CARD19: variants seen among roughly 807,000 people sequenced by gnomAD.
The protein encoded by CARD19 is caspase recruitment domain family member 19.
CARD19 carries 25 observed loss-of-function variants against 24.1 expected under a neutral mutation model. The ratio of observed to expected loss-of-function variants is 1.04; its 90% confidence interval spans 0.76 to 1.45. CARD19 has a LOEUF of 1.45. Ranked by LOEUF, CARD19 falls within the 40% of genes most tolerant of loss-of-function variation. The probability of loss-of-function intolerance (pLI) is 0.00; values close to 1 mark genes in which losing one functional copy is unlikely to be tolerated. For synonymous variants in CARD19, 103 were observed against 104.9 expected (o/e 0.98, Z 0.11); for missense variants, 241 against 247.4 (o/e 0.97, Z 0.17).
At chr9:93,111,970 T>TCC in intron 4 of CARD19, 32 bp downstream of exon 4, 1 of 1,586,228 alleles carries the variant, frequency 6.3e-7, no homozygotes, top group Non-Finnish European at 8.6e-7. Context: ...TCCCTCTCTC[T>TCC]CCCTCTCTCT....
At chr9:93,104,481 A>G (rs1827184038) in intron 1 of CARD19, among the ~76,000 whole-genome samples, 1 of 151,956 alleles carries the variant, frequency 6.6e-6, no homozygotes, top group Admixed American at 6.6e-5. Context: ...TGTAAGTTTG[A>G]GAAGGATTGG....
chr9:93,111,689 C>T (rs1381436470), intron 3 of CARD19, 190 bp from the exon 4 acceptor site: 2 of 1,416,290 alleles, frequency 1.4e-6, no homozygotes, highest in Non-Finnish European at 1.8e-6. Context: ...TAGGCCCGTC[C>T]AGGAGTTGGA....
At chr9:93,106,109 G>A (rs1352096093) in intron 1 of CARD19, among the ~76,000 whole-genome samples, 1 of 151,806 alleles carries the variant, frequency 6.6e-6, no homozygotes, top group Non-Finnish European at 1.5e-5. Context: ...AGTCTATTTT[G>A]TCTGATATTA....
At chr9:93,104,470 T>G (rs1827183796) in intron 1 of CARD19, among the ~76,000 whole-genome samples, 1 of 151,934 alleles carries the variant, frequency 6.6e-6, no homozygotes, top group African/African-American at 2.4e-5. Context: ...TCAGTTTTTT[T>G]TGTAAGTTTG....
At chr9:93,098,553 A>G (rs1351261256) in intron 1 of CARD19, among the ~76,000 whole-genome samples, 1 of 152,250 alleles carries the variant, frequency 6.6e-6, no homozygotes, top group Non-Finnish European at 1.5e-5. Flanking sequence ...AGAGCGAGCC[A>G]TCTTCCTTTG....
At chr9:93,112,013 T>A in intron 4 of CARD19, 75 bp downstream of exon 4, 2 of 1,536,510 alleles carry the variant, frequency 1.3e-6, no homozygotes, top group South Asian at 2.3e-5. Context: ...GGGCTCCATC[T>A]CCGCCTCAGG....
intron 1 of CARD19, among the ~76,000 whole-genome samples, chr9:93,100,979 G>C (rs73522727): frequency 0.014 from 2,147 of 152,144 alleles, 60 homozygotes; most frequent in African/African-American, 0.049. Context: ...TTCGTCTTTT[G>C]GTGAACATTT....
chr9:93,101,952 A>G (rs1827099612), intron 1 of CARD19, among the ~76,000 whole-genome samples: 1 of 138,722 alleles, frequency 7.2e-6, no homozygotes, highest in South Asian at 2.3e-4. Flanking sequence ...ATGACTAATG[A>G]TGAGCATTTT....
chr9:93,111,081 C>T, intron 3 of CARD19: 1 of 1,323,524 alleles, frequency 7.6e-7, no homozygotes, highest in Non-Finnish European at 9.9e-7. Context: ...CAACCTTGTT[C>T]CCACAGCTGC....
intron 3 of CARD19, 151 bp from the exon 4 acceptor site, chr9:93,111,728 G>A (rs1827493160): frequency 6.8e-7 from 1 of 1,468,164 alleles, no homozygotes; most frequent in Non-Finnish European, 9.0e-7. Context: ...ACTGTGCATA[G>A]TTCCCTGAGG....
chr9:93,110,205 C>T (rs1827409808), intron 2 of CARD19: 1 of 218,190 alleles, frequency 4.6e-6, no homozygotes, highest in African/African-American at 2.3e-5. Flanking sequence ...CCGTATTAGC[C>T]AGGATGGTCT....
At chr9:93,097,968 G>A (rs1826942851) in intron 1 of CARD19, among the ~76,000 whole-genome samples, 1 of 152,256 alleles carries the variant, frequency 6.6e-6, no homozygotes, top group Admixed American at 6.5e-5. Flanking sequence ...AGCCCTGCGA[G>A]GCTGCAGACC....
chr9:93,113,009 G>A lies in CARD19; in HGVS notation c.454G>A (p.Gly152Arg). 1 of 1,609,100 alleles carries A rather than the reference G, an allele frequency of 6.2e-7. No homozygotes were observed. Among genetic ancestry groups the A allele is most frequent in the East Asian group, 2.2e-5 (1 of 44,782 alleles). ...CYPPDPKGLP[G>R]TRRVLGFSPV... The stretch of plus-strand genomic sequence containing the variant: ...TCTTCTAGACCCCAAGGGCCTGCCA[G>A]GGACCCGGCGCGTCCTCGGTTTCTC... Residue 152 changes from glycine to arginine, a missense_variant, in exon 6 of 6, where the codon GGG (glycine) becomes AGG (arginine). Coordinates refer to ENST00000375464, the MANE Select transcript of CARD19 (RefSeq NM_032310.5).
Position 93,096,243 on chromosome 9 carries a change from C to G in CARD19, c.-103C>G. 8.6e-7 allele frequency: 1 copy of G among 1,165,718 alleles called. No individual in the cohort carries two copies. The highest frequency in any genetic ancestry group is 1.1e-6 in the Non-Finnish European group (1 of 930,954). 72.2% of individuals were successfully genotyped at this position (1,165,718 alleles called of 1,614,324 possible). ...AAAAGGGGCGGGCGAGCACGGCCCG[C>G]GGGCGGCGTTCGCTGGAGCTGGTGG... On this transcript the variant is annotated 5_prime_UTR_variant, in exon 1 of 6. Coordinates refer to ENST00000375464, the MANE Select transcript of CARD19 (RefSeq NM_032310.5). This position sits in a 1 kb window ranked among gnomAD's most constrained non-coding sequence, Gnocchi z 5.4.
intron 1 of CARD19, among the ~76,000 whole-genome samples, chr9:93,097,269 TGA>T (rs1326818386): frequency 5.3e-5 from 8 of 151,298 alleles, no homozygotes; most frequent in Non-Finnish European, 1.2e-4. Flanking sequence ...CTCGCTCTCT[TGA>T]GTCTCAGCCT....
chr9:93,112,333 C>G (rs1457878292), intron 5 of CARD19, 44 bp downstream of exon 5: 2 of 1,516,064 alleles, frequency 1.3e-6, no homozygotes, highest in East Asian at 2.5e-5. Flanking sequence ...TGCCTCCCCT[C>G]TGCCACCAAG....
intron 1 of CARD19, among the ~76,000 whole-genome samples, chr9:93,104,143 A>G (rs1449951378): frequency 6.6e-6 from 1 of 152,238 alleles, no homozygotes; most frequent in East Asian, 1.9e-4. Flanking sequence ...TACATGTTAA[A>G]CCATCCTTGT....
intron 1 of CARD19, among the ~76,000 whole-genome samples, chr9:93,104,295 A>G (rs1827176581): frequency 6.6e-6 from 1 of 152,162 alleles, no homozygotes; most frequent in Non-Finnish European, 1.5e-5. Flanking sequence ...CACAGAGACA[A>G]GGTCTTGCTG....
chr9:93,099,188 T>G (rs991914652), intron 1 of CARD19, among the ~76,000 whole-genome samples: 14 of 152,174 alleles, frequency 9.2e-5, no homozygotes, highest in African/African-American at 3.4e-4. Flanking sequence ...CCTCCCAAAG[T>G]GCTGGGATTA....
Sources: allele counts gnomAD v4.1 joint callset (sites outside exome capture counted in the v4.1 genomes callset), GRCh38; gene constraint gnomAD v4.1.1; non-coding constraint Gnocchi (gnomAD v3.1); transcripts MANE v1.5; gene names NCBI Gene and HGNC (gene_info 2026-07-23, HGNC 2026-07-21).